The following LMO3 variants were observed in gnomAD, a reference collection of about 807,000 sequenced individuals.
LMO3 encodes LIM domain only protein 3.
In LMO3, 2 loss-of-function variants were observed where a neutral mutation model predicts 15.8. The observed-to-expected ratio is 0.13, with a 90% CI of 0.05 to 0.40. The LOEUF is 0.40. Ranked by LOEUF, LMO3 falls within the 10% of genes least tolerant of loss-of-function variation. LMO3 has a pLI of 0.99. For missense variants in LMO3, 86 were observed against 182.2 expected, an observed-to-expected ratio of 0.47 and a Z score of 3.04; for synonymous variants, 62 against 63.8, an observed-to-expected ratio of 0.97 and a Z score of 0.13.
At chr12:16,563,495 T>C (rs1420902279) in intron 2 of LMO3, among the ~76,000 whole-genome samples, 1 of 152,132 alleles carries the variant, frequency 6.6e-6, no homozygotes, top group Non-Finnish European at 1.5e-5. Context: ...CTTTGTAAGA[T>C]TTTTTTTCAG....
At chr12:16,554,977 G>A (rs966293510) in intron 3 of LMO3, among the ~76,000 whole-genome samples, 4 of 152,134 alleles carry the variant, frequency 2.6e-5, no homozygotes, top group Non-Finnish European at 1.5e-5. Context: ...TAAATCTTGA[G>A]TCTACCACTT....
chr12:16,596,502 G>A lies in LMO3; in HGVS notation c.206+4153C>T, dbSNP rs1258714406. ...AGCCTATATAGACTTAATGCTTAAAGTACGTCACAAAAAGTTGCAGGTTCA... is the reference window on the plus strand; with the variant it reads ...AGCCTATATAGACTTAATGCTTAAAATACGTCACAAAAAGTTGCAGGTTCA... On this transcript the variant is annotated intron_variant, in intron 2 of 3. Coordinates refer to ENST00000537304, the MANE Select transcript of LMO3 (RefSeq NM_018640.5). The surrounding 1 kb of genome is among the most constrained non-coding windows in gnomAD (Gnocchi z 4.3). Among the ~76,000 whole-genome samples the A allele has an allele frequency of 2.6e-5, 4 of 151,680 alleles. No homozygotes were observed. The highest frequency in any genetic ancestry group is 1.9e-4 in the East Asian group (1 of 5,158).
upstream of LMO3, chr12:16,606,685 T>G (rs1944014173): frequency 6.6e-6 from 1 of 152,014 alleles, no homozygotes; most frequent in South Asian, 2.1e-4. Context: ...GTTGCTAATT[T>G]CCCAGGGTGA....
At chr12:16,588,836 G>A (rs758084908) in intron 2 of LMO3, among the ~76,000 whole-genome samples, 2 of 151,946 alleles carry the variant, frequency 1.3e-5, no homozygotes, top group Non-Finnish European at 2.9e-5. Context: ...TTCTCCTCAT[G>A]TTTAATTTCT....
At chr12:16,583,977 TA>T (rs1452961227) in intron 2 of LMO3, among the ~76,000 whole-genome samples, 21 of 152,188 alleles carry the variant, frequency 1.4e-4, no homozygotes, top group Non-Finnish European at 8.8e-5. Flanking sequence ...GTGTGGAGTT[TA>T]AGATTCCTGA....
At chr12:16,558,526 A>ATGTT in intron 3 of LMO3, among the ~76,000 whole-genome samples, 1 of 152,194 alleles carries the variant, frequency 6.6e-6, no homozygotes, top group Admixed American at 6.5e-5. Flanking sequence ...GGATGTGGGA[A>ATGTT]TGTTTGTGTT....
At chr12:16,595,213 G>T (rs1415817590) in intron 2 of LMO3, among the ~76,000 whole-genome samples, 1 of 151,028 alleles carries the variant, frequency 6.6e-6, no homozygotes, top group East Asian at 1.9e-4. Flanking sequence ...ACTCTGGGGG[G>T]TCGTGAAATT....
chr12:16,551,175 TA>T lies in LMO3; in HGVS notation c.*46del. 8.3e-7 allele frequency: 1 copy of T among 1,204,488 alleles called. No homozygotes were observed. The highest frequency in any genetic ancestry group is 1.2e-6 in the Non-Finnish European group (1 of 807,454). 74.6% of individuals were successfully genotyped at this position (1,204,488 alleles called of 1,614,324 possible). ...TTATGTACATGTGGAGCAAAAAAGA[TA>T]AAAGAATGTAGTGCTTTGTATTCTT... On this transcript the variant is annotated 3_prime_UTR_variant, in exon 4 of 4. Coordinates refer to ENST00000537304, the MANE Select transcript of LMO3 (RefSeq NM_018640.5).
Position 16,586,821 on chromosome 12 carries a change from T to C in LMO3, c.206+13834A>G, listed in dbSNP as rs1002466556. Among the ~76,000 whole-genome samples the C allele has an allele frequency of 2.6e-5, 4 of 152,214 alleles. No individual in the cohort carries two copies. The highest frequency in any genetic ancestry group is 9.6e-5 in the African/African-American group (4 of 41,458). On this transcript the variant is annotated intron_variant, in intron 2 of 3. Coordinates refer to ENST00000537304, the MANE Select transcript of LMO3 (RefSeq NM_018640.5). The surrounding 1 kb of genome is among the most constrained non-coding windows in gnomAD (Gnocchi z 4.3). ...TTCTCCCAAAGGAACATGTAAGCCATACACAGTTGGCATCAAATATTACTG... is the reference window on the plus strand; with the variant it reads ...TTCTCCCAAAGGAACATGTAAGCCACACACAGTTGGCATCAAATATTACTG...
intron 2 of LMO3, among the ~76,000 whole-genome samples, chr12:16,569,972 G>A (rs1942757974): frequency 6.6e-6 from 1 of 152,070 alleles, no homozygotes; most frequent in Non-Finnish European, 1.5e-5. Flanking sequence ...AGGCCAATCA[G>A]CCACAATTAT....
chr12:16,575,883 G>A (rs1174006378), intron 2 of LMO3, among the ~76,000 whole-genome samples: 4 of 152,034 alleles, frequency 2.6e-5, no homozygotes, highest in African/African-American at 9.7e-5. Context: ...CTTCTCTTCT[G>A]CAGACTACAT....
rs61915331 is a variant in LMO3, at chr12:16,569,142, C to T, written c.207-8604G>A. 4.8e-3 allele frequency among the ~76,000 whole-genome samples: 738 copies of T among 152,246 alleles called. 3 individuals are homozygous for T. The highest frequency in any genetic ancestry group is 8.1e-3 in the Non-Finnish European group (554 of 68,006). Reference sequence around the variant, plus strand: ...CAATATGTAAAGAAAAATGGGTTGACGCTTGGGCTAATTGGCCCTGTCTTA... The same window carrying T: ...CAATATGTAAAGAAAAATGGGTTGATGCTTGGGCTAATTGGCCCTGTCTTA... On this transcript the variant is annotated intron_variant, in intron 2 of 3. Transcript: ENST00000537304.
chr12:16,573,068 G>T (rs1304297862), intron 2 of LMO3, among the ~76,000 whole-genome samples: 1 of 151,240 alleles, frequency 6.6e-6, no homozygotes, highest in African/African-American at 2.4e-5. Context: ...CTTATAAAAG[G>T]AAAGAAAAAA....
At chr12:16,571,255 G>T (rs1477024436) in intron 2 of LMO3, among the ~76,000 whole-genome samples, 1 of 151,998 alleles carries the variant, frequency 6.6e-6, no homozygotes, top group Non-Finnish European at 1.5e-5. Context: ...ATTTAACTAA[G>T]GATATTACGT....
intron 2 of LMO3, among the ~76,000 whole-genome samples, chr12:16,583,679 T>C (rs529310927): frequency 1.3e-5 from 2 of 152,340 alleles, no homozygotes; most frequent in Admixed American, 1.3e-4. Context: ...GTTATTTGCT[T>C]GTTTCTAGCA....
rs960911301 is a variant in LMO3, at chr12:16,559,380, G to T, written c.332+1033C>A. On this transcript the variant is annotated intron_variant, in intron 3 of 3. Coordinates refer to ENST00000537304, the MANE Select transcript of LMO3 (RefSeq NM_018640.5). This position sits in a 1 kb window ranked among gnomAD's most constrained non-coding sequence, Gnocchi z 4.1. ...AAGTGATAATACTTTTCAGCTGAAAGAATTCTCTGAGATGAACTAATCCAG... is the reference window on the plus strand; with the variant it reads ...AAGTGATAATACTTTTCAGCTGAAATAATTCTCTGAGATGAACTAATCCAG... Among the ~76,000 whole-genome samples, 1 of 152,134 alleles carries T rather than the reference G, an allele frequency of 6.6e-6. No individual in the cohort carries two copies. Among genetic ancestry groups the T allele is most frequent in the Non-Finnish European group, 1.5e-5 (1 of 68,004 alleles).
intron 3 of LMO3, among the ~76,000 whole-genome samples, chr12:16,558,019 T>C (rs1312707864): frequency 6.6e-6 from 1 of 152,060 alleles, no homozygotes; most frequent in Non-Finnish European, 1.5e-5. Context: ...AGAAGACATA[T>C]GTGAAGCTCT....
chr12:16,605,742 T>C (rs1943973102), intron 1 of LMO3: 3 of 1,533,890 alleles, frequency 2.0e-6, no homozygotes, highest in Non-Finnish European at 2.6e-6. Flanking sequence ...ATGGTGAACT[T>C]TGACTATTAT....
chr12:16,570,488 A>G (rs1355225988), intron 2 of LMO3, among the ~76,000 whole-genome samples: 1 of 152,288 alleles, frequency 6.6e-6, no homozygotes, highest in East Asian at 1.9e-4. Flanking sequence ...GAAAAGAAGC[A>G]TTATAGGAAA....
Sources: allele counts gnomAD v4.1 joint callset (sites outside exome capture counted in the v4.1 genomes callset), GRCh38; gene constraint gnomAD v4.1.1; non-coding constraint Gnocchi (gnomAD v3.1); transcripts MANE v1.5; gene names NCBI Gene and HGNC (gene_info 2026-07-23, HGNC 2026-07-21).